CACNA1E: variants seen among roughly 807,000 people sequenced by gnomAD.
CACNA1E encodes the protein voltage-dependent R-type calcium channel subunit alpha-1E.
A neutral mutation model predicts 259.2 loss-of-function variants in CACNA1E; 40 were observed. The ratio of observed to expected loss-of-function variants is 0.15; its 90% CI spans 0.12 to 0.20. The LOEUF (loss-of-function observed/expected upper bound fraction) is 0.20, where lower values mean the gene tolerates loss of function less well. Among genes scored for constraint, CACNA1E ranks in the 10% least tolerant of loss-of-function variants. The pLI, the probability that CACNA1E is intolerant of heterozygous loss-of-function variation, is 1.00. For missense variants in CACNA1E, 1,874 were observed against 3,040.1 expected (o/e 0.62, Z 9.02); for synonymous variants, 1,104 against 1,138.5 (o/e 0.97, Z 0.61).
At chr1:181,347,153 T>C (rs754935276) in intron 1 of CACNA1E, among the ~76,000 whole-genome samples, 3 of 152,174 alleles carry the variant, frequency 2.0e-5, no homozygotes, top group Admixed American at 6.5e-5. Context: ...CTTCGAAGAA[T>C]GGCCACCACA....
chr1:181,377,616 G>A (rs959332777), intron 1 of CACNA1E, among the ~76,000 whole-genome samples: 2 of 152,108 alleles, frequency 1.3e-5, no homozygotes, highest in African/African-American at 4.8e-5. Flanking sequence ...TTGAAAGCAA[G>A]GAGACCAGTT....
intron 6 of CACNA1E, among the ~76,000 whole-genome samples, chr1:181,629,663 A>G (rs1041565805): frequency 2.0e-5 from 3 of 152,250 alleles, no homozygotes; most frequent in African/African-American, 7.2e-5. Flanking sequence ...ATAAGTATAT[A>G]TAAAGAGCCT....
intron 24 of CACNA1E, 81 bp downstream of exon 24, chr1:181,738,507 G>A: frequency 1.8e-6 from 2 of 1,124,708 alleles, no homozygotes; most frequent in South Asian, 2.5e-5. Context: ...CCCTTCCTCA[G>A]TGTTACCACC....
In CACNA1E at chr1:181,771,324, G is replaced by A; in HGVS notation, c.4913G>A (p.Ser1638Asn). ...GGAAACATAAAATTAGACGAGGAGA[G>A]TCACATCAACCGGCACAACAACTTC... ...VFGNIKLDEE[S>N]HINRHNNFRS... is the part of the protein sequence containing the mutation. Residue 1638 changes from serine (S) to asparagine (N), a missense_variant, in exon 36 of 48, where the codon AGT (serine) becomes AAT (asparagine). Around this residue, in one of 14 missense-constraint regions of CACNA1E, gnomAD observed 147 missense variants for 337.1 expected, o/e 0.44. Transcript: ENST00000367573. The A allele has an allele frequency of 6.3e-7, 1 of 1,598,234 alleles. No homozygotes were observed. Among genetic ancestry groups the A allele is most frequent in the Non-Finnish European group, 8.5e-7 (1 of 1,170,110 alleles).
intron 38 of CACNA1E, among the ~76,000 whole-genome samples, chr1:181,777,186 AG>A (rs1660043341): frequency 6.6e-6 from 1 of 152,240 alleles, no homozygotes; most frequent in African/African-American, 2.4e-5. Context: ...GCTGAGGACA[AG>A]GTGAGAGTTC....
intron 3 of CACNA1E, among the ~76,000 whole-genome samples, chr1:181,570,320 G>A (rs1180496782): frequency 3.3e-5 from 5 of 152,046 alleles, no homozygotes; most frequent in Admixed American, 6.6e-5. Context: ...TTGACCACAC[G>A]CTTCTTCTGA....
intron 6 of CACNA1E, among the ~76,000 whole-genome samples, chr1:181,592,843 T>G (rs1051177149): frequency 6.6e-6 from 1 of 152,154 alleles, no homozygotes; most frequent in Non-Finnish European, 1.5e-5. Flanking sequence ...TCATATTCTG[T>G]TAGTGAATCC....
intron 19 of CACNA1E, 97 bp downstream of exon 19, chr1:181,731,328 G>T (rs1035581104): frequency 2.2e-6 from 2 of 902,378 alleles, no homozygotes. Context: ...CACTGGGTGT[G>T]CATGTCAGTG....
chr1:181,669,356 C>G (rs1327960821), intron 7 of CACNA1E, among the ~76,000 whole-genome samples: 1 of 152,136 alleles, frequency 6.6e-6, no homozygotes, highest in East Asian at 1.9e-4. Flanking sequence ...CTTAGCCTGG[C>G]CACACGGCTC....
At chr1:181,376,698 G>C (rs1357331852) in intron 1 of CACNA1E, among the ~76,000 whole-genome samples, 1 of 152,154 alleles carries the variant, frequency 6.6e-6, no homozygotes, top group East Asian at 1.9e-4. Flanking sequence ...CTCTTCCTCT[G>C]TATCCTAAGC....
chr1:181,537,337 G>T (rs544491976), intron 3 of CACNA1E, among the ~76,000 whole-genome samples: 1 of 152,032 alleles, frequency 6.6e-6, no homozygotes, highest in African/African-American at 2.4e-5. Context: ...AACCTCAGGC[G>T]ATCCACCCAC....
intron 3 of CACNA1E, among the ~76,000 whole-genome samples, chr1:181,531,374 C>G (rs1378069902): frequency 6.6e-6 from 1 of 152,162 alleles, no homozygotes; most frequent in Non-Finnish European, 1.5e-5. Flanking sequence ...CATTTGTGTC[C>G]CCTCTGTGTT....
chr1:181,763,403 C>T lies in CACNA1E; in HGVS notation c.4690-3C>T. On this transcript the variant is annotated splice_region_variant and splice_polypyrimidine_tract_variant and intron_variant, in intron 33 of 47. Coordinates refer to ENST00000367573, the MANE Select transcript of CACNA1E (RefSeq NM_001205293.3). ...AATTATATGTTTCCTTTTGGTCCAC[C>T]AGCTGGTGAACACCAGTGGCTTCAA... 2 of 1,573,458 alleles carry T rather than the reference C, an allele frequency of 1.3e-6. No homozygotes were observed. Among genetic ancestry groups the T allele is most frequent in the South Asian group, 2.3e-5 (2 of 86,798 alleles).
rs1025334567 is a variant in CACNA1E, at chr1:181,563,110, G to A, written c.513-14656G>A. 3.9e-5 allele frequency among the ~76,000 whole-genome samples: 6 copies of A among 152,072 alleles called. No individual in the cohort carries two copies. The South Asian group carries it at 8.3e-4, about 21-fold the overall frequency. ...ATAGCTCTCGTTCATTTTGATGCTC[G>A]ACAGACAGCTGATATTTTATAAAAC... On this transcript the variant is annotated intron_variant, in intron 3 of 47. Coordinates refer to ENST00000367573, the MANE Select transcript of CACNA1E (RefSeq NM_001205293.3).
At chr1:181,501,754 G>C (rs1422919912) in intron 1 of CACNA1E, among the ~76,000 whole-genome samples, 2 of 151,834 alleles carry the variant, frequency 1.3e-5, no homozygotes, top group African/African-American at 2.4e-5. Context: ...GAAGGAGAGA[G>C]GTGTGTGTCT....
At chr1:181,641,703 G>GTTTTTTTTTTTTTTTTTTTTTTTTTTT (rs751082929) in intron 6 of CACNA1E, among the ~76,000 whole-genome samples, 1 of 81,116 alleles carries the variant, frequency 1.2e-5, no homozygotes, top group African/African-American at 4.4e-5. Flanking sequence ...CTAATTTTTT[G>GTTTTTTTTTTTTTTTTTTTTTTTTTTT]TTTTTTTTTT....
At chr1:181,787,730 G>T (rs1014534867) in intron 43 of CACNA1E, among the ~76,000 whole-genome samples, 2 of 152,190 alleles carry the variant, frequency 1.3e-5, no homozygotes, top group African/African-American at 4.8e-5. Context: ...CACTCAGTTT[G>T]AGGGTTTAGA....
chr1:181,395,781 G>A (rs1231200416), intron 1 of CACNA1E, among the ~76,000 whole-genome samples: 1 of 152,192 alleles, frequency 6.6e-6, no homozygotes, highest in Non-Finnish European at 1.5e-5. Context: ...GGAAAACCAG[G>A]AGAGTGTGAT....
At chr1:181,706,222 G>C (rs942434090) in intron 7 of CACNA1E, among the ~76,000 whole-genome samples, 3 of 152,150 alleles carry the variant, frequency 2.0e-5, no homozygotes, top group African/African-American at 7.2e-5. Flanking sequence ...CCTGCTATGA[G>C]CTGCCTTTCA....
Sources: gnomAD v4.1 joint callset for allele counts (sites outside exome capture counted in the v4.1 genomes callset) on GRCh38, gnomAD v4.1.1 for gene constraint, gnomAD v4.1.1 regional missense constraint, MANE v1.5 for transcripts, NCBI Gene and HGNC (gene_info 2026-07-23, HGNC 2026-07-21) for gene names.